The following OOSP1 variants were observed in gnomAD, a reference collection of about 807,000 sequenced individuals.
OOSP1 encodes putative oocyte-secreted protein 1 homolog.
A neutral mutation model predicts 5.7 loss-of-function variants in OOSP1; 11 were observed. That is an observed-to-expected ratio of 1.94 (90% CI 1.22 to 3.20). The LOEUF is 3.20. Ranked by LOEUF, OOSP1 falls within the 30% of genes most tolerant of loss-of-function variation. OOSP1 has a pLI of 0.00. For synonymous variants in OOSP1, 44 were observed against 20.0 expected (o/e 2.20, Z -3.20); for missense variants, 83 against 54.1 (o/e 1.53, Z -1.67).
At chr11:59,952,746 T>C (rs1440561050) in intron 4 of OOSP1, among the ~76,000 whole-genome samples, 1 of 152,094 alleles carries the variant, frequency 6.6e-6, no homozygotes, top group Non-Finnish European at 1.5e-5. Flanking sequence ...ATCTAATTCA[T>C]CTATCTAACA....
intron 1 of OOSP1, among the ~76,000 whole-genome samples, chr11:59,942,257 T>A (rs1853836164): frequency 6.6e-6 from 1 of 152,188 alleles, no homozygotes; most frequent in African/African-American, 2.4e-5. Flanking sequence ...AGCAGCAGAT[T>A]GTATCAGAAA....
intron 4 of OOSP1, chr11:59,948,701 G>A (rs1267504134): frequency 1.3e-5 from 5 of 397,706 alleles, no homozygotes; most frequent in Non-Finnish European, 1.8e-5. Flanking sequence ...TTCCATTTTG[G>A]TAAGAATCTG....
At chr11:59,953,377 A>G (rs781045317) in intron 4 of OOSP1, among the ~76,000 whole-genome samples, 3 of 151,138 alleles carry the variant, frequency 2.0e-5, no homozygotes, top group Non-Finnish European at 2.9e-5. Context: ...CTTAGATCTC[A>G]TATATATATA....
chr11:59,945,119 C>A, intron 2 of OOSP1, 50 bp from the exon 3 acceptor site: 1 of 698,922 alleles, frequency 1.4e-6, no homozygotes, highest in South Asian at 1.5e-5. Flanking sequence ...TGTAAGTTTC[C>A]TGAGATACTT....
intron 4 of OOSP1, among the ~76,000 whole-genome samples, chr11:59,955,188 T>A (rs1435752156): frequency 6.6e-6 from 1 of 152,152 alleles, no homozygotes; most frequent in Non-Finnish European, 1.5e-5. Context: ...GGACCCAATA[T>A]TATATAGAAA....
intron 4 of OOSP1, chr11:59,948,580 T>G (rs1853910339): frequency 2.5e-6 from 1 of 392,988 alleles, no homozygotes; most frequent in East Asian, 3.6e-5. Flanking sequence ...TACCTCCCAC[T>G]TACACCTTCT....
At chr11:59,946,535 C>A (rs1280439924) in intron 3 of OOSP1, among the ~76,000 whole-genome samples, 1 of 152,104 alleles carries the variant, frequency 6.6e-6, no homozygotes, top group Non-Finnish European at 1.5e-5. Flanking sequence ...CAACTGTCCC[C>A]TAGAACATAG....
chr11:59,942,118 T>C (rs1219469064), intron 1 of OOSP1, among the ~76,000 whole-genome samples: 2 of 152,108 alleles, frequency 1.3e-5, no homozygotes, highest in Admixed American at 6.5e-5. Flanking sequence ...ACTGATAAAA[T>C]TTTCCTTTAG....
intron 3 of OOSP1, among the ~76,000 whole-genome samples, chr11:59,945,882 G>GCGGAAGGCAA (rs1272741777): frequency 3.3e-5 from 5 of 151,960 alleles, no homozygotes; most frequent in South Asian, 2.1e-4. Context: ...TTTACTCATG[G>GCGGAAGGCAA]CGGAAGGCAA....
intron 4 of OOSP1, among the ~76,000 whole-genome samples, chr11:59,951,435 A>C (rs1438476269): frequency 6.6e-6 from 1 of 152,088 alleles, no homozygotes; most frequent in Admixed American, 6.6e-5. Flanking sequence ...AAAGCATTAG[A>C]AGGTGTGCAT....
intron 4 of OOSP1, among the ~76,000 whole-genome samples, chr11:59,952,762 A>T (rs1004392575): frequency 3.9e-5 from 6 of 152,170 alleles, no homozygotes; most frequent in Non-Finnish European, 7.4e-5. Context: ...TAACAAAAAA[A>T]TCACTTGTAC....
chr11:59,939,336 C>T (rs1406390119), intron 1 of OOSP1, among the ~76,000 whole-genome samples: 1 of 151,568 alleles, frequency 6.6e-6, no homozygotes, highest in Non-Finnish European at 1.5e-5. Context: ...ACTACAGCCT[C>T]TGCCTCCCGG....
chr11:59,952,678 T>C (rs899577575), intron 4 of OOSP1, among the ~76,000 whole-genome samples: 4 of 152,094 alleles, frequency 2.6e-5, no homozygotes, highest in Admixed American at 1.3e-4. Flanking sequence ...ACATGACATG[T>C]TAGGTACAAT....
chr11:59,943,599 T>C (rs1440635569), intron 2 of OOSP1, among the ~76,000 whole-genome samples: 1 of 152,228 alleles, frequency 6.6e-6, no homozygotes, highest in East Asian at 1.9e-4. Context: ...GAAGAAAGTA[T>C]TTTCCATGCA....
At chr11:59,941,561 G>A (rs1271969697) in intron 1 of OOSP1, among the ~76,000 whole-genome samples, 3 of 151,892 alleles carry the variant, frequency 2.0e-5, no homozygotes, top group Non-Finnish European at 4.4e-5. Flanking sequence ...TGTATTTTTT[G>A]TAGAGATGGG....
intron 4 of OOSP1, 86 bp from the exon 5 acceptor site, chr11:59,957,109 A>T: frequency 2.5e-6 from 1 of 393,896 alleles, no homozygotes; most frequent in Non-Finnish European, 4.5e-6. Context: ...TTCCTTTTAA[A>T]AACTTTGAAT....
intron 3 of OOSP1, among the ~76,000 whole-genome samples, chr11:59,946,306 CT>C (rs1343729977): frequency 6.6e-6 from 1 of 152,202 alleles, no homozygotes; most frequent in Admixed American, 6.5e-5. Context: ...CCATCACCCC[CT>C]ATCAGTGCAA....
intron 2 of OOSP1, 27 bp downstream of exon 2, chr11:59,943,055 C>A: frequency 2.9e-6 from 2 of 700,956 alleles, no homozygotes; most frequent in Non-Finnish European, 5.2e-6. Context: ...TTACTTAAAA[C>A]CCAAGTGTCC....
intron 1 of OOSP1, among the ~76,000 whole-genome samples, chr11:59,939,020 C>T (rs1031993970): frequency 2.0e-5 from 3 of 152,122 alleles, no homozygotes; most frequent in Non-Finnish European, 4.4e-5. Context: ...CAGGTTTTCC[C>T]AGTACTTTTC....
Sources: gnomAD v4.1 joint callset for allele counts (sites outside exome capture counted in the v4.1 genomes callset) on GRCh38, gnomAD v4.1.1 for gene constraint, MANE v1.5 for transcripts, NCBI Gene and HGNC (gene_info 2026-07-23, HGNC 2026-07-21) for gene names.